Variants in PROM1 observed in about 807,000 individuals in gnomAD.
The protein encoded by PROM1 is prominin 1.
PROM1 carries 105 observed loss-of-function variants against 116.9 expected under a neutral mutation model. That is an observed-to-expected ratio of 0.90 (90% CI 0.77 to 1.06). The LOEUF is 1.06. Among genes scored for constraint, PROM1 ranks in the 50% least tolerant of loss-of-function variants. The probability of loss-of-function intolerance (pLI) is 0.00; values close to 1 mark genes in which losing one functional copy is unlikely to be tolerated. For missense variants in PROM1, 1,122 were observed against 1,045.2 expected, an observed-to-expected ratio of 1.07 and a Z score of -1.01; for synonymous variants, 393 against 387.0, an observed-to-expected ratio of 1.02 and a Z score of -0.18.
chr4:16,013,947 A>G (rs199840332), intron 10 of PROM1, among the ~76,000 whole-genome samples: 1 of 7,310 alleles, frequency 1.4e-4, no homozygotes, highest in South Asian at 3.2e-3. Context: ...AGTCTAAACG[A>G]AAAAAAAAAA....
chr4:16,077,497 G>A (rs932907556), intron 1 of PROM1, among the ~76,000 whole-genome samples: 2 of 152,100 alleles, frequency 1.3e-5, no homozygotes, highest in South Asian at 2.1e-4. Flanking sequence ...TGGATCCTCC[G>A]TACGCTGAAC....
chr4:16,024,368 GA>G lies in PROM1; in HGVS notation c.631-11del. On this transcript the variant is annotated splice_polypyrimidine_tract_variant and intron_variant, in intron 6 of 27. Transcript: ENST00000447510. ...ATATATATTTGATTTGCTGAAAAAAGAACATTCTGTGAAACCTCCCCTTCTA... is the reference window on the plus strand; with the variant it reads ...ATATATATTTGATTTGCTGAAAAAAGACATTCTGTGAAACCTCCCCTTCTA... The G allele has an allele frequency of 3.1e-6, 5 of 1,606,590 alleles. No homozygotes were observed. The highest frequency in any genetic ancestry group is 4.2e-6 in the Non-Finnish European group (5 of 1,176,604).
chr4:15,996,672 T>C (rs1242149807), intron 15 of PROM1, among the ~76,000 whole-genome samples: 1 of 152,178 alleles, frequency 6.6e-6, no homozygotes, highest in Non-Finnish European at 1.5e-5. Context: ...AAAAAGAACC[T>C]TGCAATACCT....
chr4:16,080,893 G>A (rs913163513), intron 1 of PROM1, among the ~76,000 whole-genome samples: 1 of 152,172 alleles, frequency 6.6e-6, no homozygotes, highest in Admixed American at 6.5e-5. Context: ...GCCACATCCA[G>A]GGTCCTGTTC....
At chr4:16,024,266 A>C in intron 7 of PROM1, 29 bp downstream of exon 7, 5 of 1,597,804 alleles carry the variant, frequency 3.1e-6, no homozygotes, top group Non-Finnish European at 4.3e-6. Flanking sequence ...AAAGAAAAAA[A>C]ATGTGAAGCA....
chr4:16,030,192 A>G (rs1305904070), intron 5 of PROM1, among the ~76,000 whole-genome samples: 1 of 152,196 alleles, frequency 6.6e-6, no homozygotes, highest in African/African-American at 2.4e-5. Flanking sequence ...TAAAATAGCT[A>G]CCGTAAATCA....
chr4:16,038,412 A>T (rs946382763), intron 3 of PROM1, among the ~76,000 whole-genome samples: 2 of 152,106 alleles, frequency 1.3e-5, no homozygotes, highest in Non-Finnish European at 1.5e-5. Flanking sequence ...TTATTTGTTT[A>T]TTTATTTTGA....
chr4:16,012,548 T>G (rs1727147625), intron 11 of PROM1, among the ~76,000 whole-genome samples: 1 of 152,056 alleles, frequency 6.6e-6, no homozygotes. Flanking sequence ...ATAGACAAAA[T>G]AAATTCTTTT....
chr4:16,056,291 G>A (rs1426629552), intron 2 of PROM1, among the ~76,000 whole-genome samples: 1 of 152,164 alleles, frequency 6.6e-6, no homozygotes, highest in Non-Finnish European at 1.5e-5. Flanking sequence ...CATGGTGGCA[G>A]AGGAGGGCAA....
intron 2 of PROM1, among the ~76,000 whole-genome samples, chr4:16,044,557 C>A (rs559200290): frequency 6.6e-6 from 1 of 152,152 alleles, no homozygotes; most frequent in East Asian, 1.9e-4. Context: ...GGGTCTTGCA[C>A]GTGGCTCTGT....
chr4:16,047,560 C>T (rs372561839), intron 2 of PROM1, among the ~76,000 whole-genome samples: 1 of 145,528 alleles, frequency 6.9e-6, no homozygotes, highest in Non-Finnish European at 1.5e-5. Flanking sequence ...CAATTAGTTT[C>T]ATCACAATTA....
At chr4:16,005,376 C>G (rs1338250691) in intron 13 of PROM1, among the ~76,000 whole-genome samples, 1 of 152,108 alleles carries the variant, frequency 6.6e-6, no homozygotes, top group East Asian at 1.9e-4. Flanking sequence ...TTTTACGACT[C>G]TAGTTTGTAA....
chr4:15,998,548 A>G, intron 14 of PROM1, 60 bp from the exon 15 acceptor site: 2 of 1,365,122 alleles, frequency 1.5e-6, no homozygotes, highest in Non-Finnish European at 1.9e-6. Context: ...ACATACTAAT[A>G]TAATAAAATT....
At chr4:16,012,599 G>C (rs544723273) in intron 11 of PROM1, among the ~76,000 whole-genome samples, 2 of 151,922 alleles carry the variant, frequency 1.3e-5, no homozygotes, top group African/African-American at 2.4e-5. Flanking sequence ...GGCCAGGCAC[G>C]GTGGCTCACG....
intron 5 of PROM1, among the ~76,000 whole-genome samples, 181 bp from the exon 6 acceptor site, chr4:16,025,493 C>T (rs922462135): frequency 3.3e-5 from 5 of 152,188 alleles, no homozygotes; most frequent in Non-Finnish European, 7.3e-5. Context: ...CCACCACCCA[C>T]GTAGGGGCTA....
At chr4:16,058,192 C>T (rs574203218) in intron 2 of PROM1, among the ~76,000 whole-genome samples, 176 of 152,326 alleles carry the variant, frequency 1.2e-3, no homozygotes, top group Non-Finnish European at 1.4e-3. Context: ...TTATGAATCG[C>T]TCTAGGCATC....
intron 2 of PROM1, among the ~76,000 whole-genome samples, chr4:16,045,214 G>T (rs1362785435): frequency 1.3e-5 from 2 of 152,146 alleles, no homozygotes; most frequent in African/African-American, 4.8e-5. Context: ...GAGGGACCAG[G>T]GGACTTGAGT....
At chr4:16,001,117 G>C (rs1723736220) in intron 13 of PROM1, among the ~76,000 whole-genome samples, 1 of 152,318 alleles carries the variant, frequency 6.6e-6, no homozygotes, top group Admixed American at 6.5e-5. Context: ...GTGGCCTAAG[G>C]GGGCAGGATT....
intron 8 of PROM1, among the ~76,000 whole-genome samples, 178 bp downstream of exon 8, chr4:16,023,148 A>G (rs1047822284): frequency 2.6e-5 from 4 of 152,156 alleles, no homozygotes; most frequent in Non-Finnish European, 5.9e-5. Flanking sequence ...CACAAGCTTT[A>G]ATAAAGAGCA....
Sources: allele counts gnomAD v4.1 joint callset (sites outside exome capture counted in the v4.1 genomes callset), GRCh38; gene constraint gnomAD v4.1.1; transcripts MANE v1.5; gene names NCBI Gene and HGNC (gene_info 2026-07-23, HGNC 2026-07-21).